The following PCDHA7 variants were observed in gnomAD, a reference collection of about 807,000 sequenced individuals.
The protein encoded by PCDHA7 is protocadherin alpha 7.
PCDHA7 carries 37 observed loss-of-function variants against 57.2 expected under a neutral mutation model. The ratio of observed to expected loss-of-function variants is 0.65; its 90% confidence interval spans 0.50 to 0.85. The LOEUF is 0.85. Ranked by LOEUF, PCDHA7 falls within the 40% of genes least tolerant of loss-of-function variation. PCDHA7 has a pLI of 0.00. For synonymous variants in PCDHA7, 553 were observed against 558.8 expected (o/e 0.99, Z 0.15); for missense variants, 1,188 against 1,241.8 (o/e 0.96, Z 0.65).
In PCDHA7 at chr5:140,843,447, G is replaced by T. The variant is rs2150360204; in HGVS notation, c.2355+6709G>T. The stretch of plus-strand genomic sequence containing the variant: ...ATCATCGCCATCTGCGCGGTATCCA[G>T]CCTGCTGGTGCTCACGCTGCTGCTG... On this transcript the variant is annotated intron_variant, in intron 1 of 3. Coordinates refer to ENST00000525929, the MANE Select transcript of PCDHA7 (RefSeq NM_018910.3). 44 of 1,596,056 alleles carry T rather than the reference G, an allele frequency of 2.8e-5. 4 individuals carry two copies. The highest frequency in any genetic ancestry group is 3.3e-4 in the Middle Eastern group (2 of 6,002).
intron 1 of PCDHA7, among the ~76,000 whole-genome samples, chr5:140,915,886 T>G (rs1259377999): frequency 2.6e-5 from 4 of 152,186 alleles, no homozygotes; most frequent in Admixed American, 6.5e-5. Flanking sequence ...GGGTAGCAAG[T>G]TCCCCCTGGC....
At chr5:140,857,952 C>G in intron 1 of PCDHA7, 1 of 1,597,470 alleles carries the variant, frequency 6.3e-7, no homozygotes, top group South Asian at 1.1e-5. Context: ...ACGACGCGCG[C>G]TCTGGATGAG....
chr5:140,996,410 G>A (rs1195533511), intron 3 of PCDHA7, among the ~76,000 whole-genome samples: 2 of 152,222 alleles, frequency 1.3e-5, no homozygotes, highest in African/African-American at 2.4e-5. Flanking sequence ...GGTGGGGCAG[G>A]CAGTGTGAAA....
At chr5:140,841,430 G>A in intron 1 of PCDHA7, 1 of 1,612,964 alleles carries the variant, frequency 6.2e-7, no homozygotes, top group Non-Finnish European at 8.5e-7. Flanking sequence ...CTCCGTCCCC[G>A]AGGAGGCCAA....
chr5:140,958,079 T>C (rs182718226), intron 1 of PCDHA7, among the ~76,000 whole-genome samples: 1 of 152,202 alleles, frequency 6.6e-6, no homozygotes, highest in East Asian at 1.9e-4. Context: ...AAGCAAAAAG[T>C]AAAGTTGTAC....
chr5:140,906,456 G>T (rs527287837), intron 1 of PCDHA7, among the ~76,000 whole-genome samples: 1 of 152,278 alleles, frequency 6.6e-6, no homozygotes, highest in African/African-American at 2.4e-5. Context: ...ATAAAATGAA[G>T]ATATTTTCTT....
intron 3 of PCDHA7, among the ~76,000 whole-genome samples, chr5:140,993,767 G>T (rs115607244): frequency 1.3e-5 from 2 of 152,010 alleles, no homozygotes; most frequent in African/African-American, 4.8e-5. Flanking sequence ...TTACAATTGC[G>T]CAGTATTTTG....
chr5:140,911,729 C>T (rs571299791), intron 1 of PCDHA7, among the ~76,000 whole-genome samples: 16 of 152,252 alleles, frequency 1.1e-4, no homozygotes, highest in South Asian at 4.2e-4. Flanking sequence ...GTAAACAGTT[C>T]GTGCCAAGGA....
intron 1 of PCDHA7, among the ~76,000 whole-genome samples, chr5:140,933,701 A>G (rs1204346571): frequency 6.6e-6 from 1 of 151,814 alleles, no homozygotes; most frequent in East Asian, 1.9e-4. Flanking sequence ...CCTCGGACAC[A>G]TTTACTGAGA....
chr5:140,992,258 A>G (rs1316409303), intron 3 of PCDHA7, among the ~76,000 whole-genome samples: 1 of 152,168 alleles, frequency 6.6e-6, no homozygotes, highest in African/African-American at 2.4e-5. Flanking sequence ...GCTAAAGATG[A>G]AAGTTCTTTT....
intron 1 of PCDHA7, chr5:140,966,538 C>G: frequency 2.2e-6 from 1 of 463,262 alleles, no homozygotes; most frequent in Non-Finnish European, 3.7e-6. Flanking sequence ...GGTTGAGCGA[C>G]TCGGAGGCGA....
intron 1 of PCDHA7, among the ~76,000 whole-genome samples, chr5:140,970,888 A>G (rs1452967166): frequency 6.6e-6 from 1 of 152,154 alleles, no homozygotes; most frequent in Non-Finnish European, 1.5e-5. Flanking sequence ...TTTCTCATGG[A>G]CATTTCAGAT....
At chr5:140,882,143 C>T in intron 1 of PCDHA7, 1 of 1,494,048 alleles carries the variant, frequency 6.7e-7, no homozygotes, top group Non-Finnish European at 8.9e-7. Context: ...GAAAATATAG[C>T]AGAAAGCGGA....
intron 1 of PCDHA7, chr5:140,928,751 C>T (rs1387564129): frequency 6.2e-7 from 1 of 1,614,180 alleles, no homozygotes; most frequent in Non-Finnish European, 8.5e-7. Flanking sequence ...GAGCTCCGTA[C>T]TGCTCGCTTA....
In PCDHA7 at chr5:141,010,527, G is replaced by T; in HGVS notation, c.*590G>T. On this transcript the variant is annotated 3_prime_UTR_variant, in exon 4 of 4. Transcript: ENST00000525929. ...AAATCTTACAACTCAAGAGGTGGCA[G>T]CCACCCTCTAGGAGACAAAACTACC... The T allele has an allele frequency of 2.3e-6, 1 of 431,062 alleles. No homozygotes were observed. Among genetic ancestry groups the T allele is most frequent in the African/African-American group, 2.0e-5 (1 of 49,970 alleles). 26.7% of individuals were successfully genotyped at this position (431,062 alleles called of 1,614,324 possible).
chr5:140,870,061 C>G, intron 1 of PCDHA7: 1 of 1,613,758 alleles, frequency 6.2e-7, no homozygotes, highest in Non-Finnish European at 8.5e-7. Flanking sequence ...AATTGAAGTA[C>G]AGGCTACAGA....
intron 1 of PCDHA7, chr5:140,848,888 A>T: frequency 6.4e-7 from 1 of 1,564,652 alleles, no homozygotes; most frequent in Non-Finnish European, 8.7e-7. Flanking sequence ...ACAACCCTCC[A>T]GTGTTCCCAG....
Position 140,857,207 on chromosome 5 carries a change from T to C in PCDHA7, c.2355+20469T>C, listed in dbSNP as rs374547664. The C allele has an allele frequency of 2.5e-6, 4 of 1,598,416 alleles. No homozygotes were observed. In the African/African-American group the frequency reaches 5.4e-5, roughly 22 times the overall value. ...AGGAGCCAACGGACAGGTCACCTGC[T>C]CTCTGACGCCTCACGTTCCGTTCAA... is the stretch of plus-strand genomic sequence containing the variant. On this transcript the variant is annotated intron_variant, in intron 1 of 3. Transcript: ENST00000525929.
At chr5:140,943,237 C>T (rs1364015851) in intron 1 of PCDHA7, among the ~76,000 whole-genome samples, 1 of 121,190 alleles carries the variant, frequency 8.3e-6, no homozygotes, top group African/African-American at 3.3e-5. Flanking sequence ...CAGCCTGGGT[C>T]ACAGAGTGAG....
Sources: allele counts gnomAD v4.1 joint callset (sites outside exome capture counted in the v4.1 genomes callset), GRCh38; gene constraint gnomAD v4.1.1; transcripts MANE v1.5; gene names NCBI Gene and HGNC (gene_info 2026-07-23, HGNC 2026-07-21).